ASCC3: variants seen among roughly 807,000 people sequenced by gnomAD.
ASCC3 encodes the protein ASC-1 complex subunit P200.
Under a neutral mutation model 256.3 loss-of-function variants are expected in ASCC3, and 158 were observed. The observed-to-expected ratio is 0.62, with a 90% confidence interval of 0.54 to 0.70. The LOEUF is 0.70. Ranked by LOEUF, ASCC3 falls within the 30% of genes least tolerant of loss-of-function variation. The probability of loss-of-function intolerance (pLI) is 0.00; values close to 1 mark genes in which losing one functional copy is unlikely to be tolerated. For synonymous variants in ASCC3, 948 were observed against 883.4 expected (o/e 1.07, Z -1.30); for missense variants, 2,259 against 2,626.0 (o/e 0.86, Z 3.05).
chr6:100,661,209 C>G (rs959021672), intron 16 of ASCC3, among the ~76,000 whole-genome samples: 1 of 151,360 alleles, frequency 6.6e-6, no homozygotes, highest in Non-Finnish European at 1.5e-5. Flanking sequence ...AACAGTCAAA[C>G]CTGATTTTAA....
chr6:100,609,357 T>C (rs1773273743), intron 30 of ASCC3, among the ~76,000 whole-genome samples: 2 of 152,064 alleles, frequency 1.3e-5, no homozygotes, highest in Admixed American at 6.5e-5. Flanking sequence ...TACTTCCTTA[T>C]CTTACTTTAA....
chr6:100,843,254 A>G (rs528897475), intron 4 of ASCC3, among the ~76,000 whole-genome samples: 48 of 152,194 alleles, frequency 3.2e-4, no homozygotes, highest in Non-Finnish European at 6.6e-4. Context: ...AAAAATACAC[A>G]GTCTTCCCTC....
At chr6:100,812,988 A>G (rs1319381434) in intron 4 of ASCC3, among the ~76,000 whole-genome samples, 1 of 152,118 alleles carries the variant, frequency 6.6e-6, no homozygotes, top group Non-Finnish European at 1.5e-5. Context: ...ATAGATGAAG[A>G]AAAAAATGAA....
At chr6:100,518,426 A>C (rs1448314400) in intron 37 of ASCC3, among the ~76,000 whole-genome samples, 1 of 152,178 alleles carries the variant, frequency 6.6e-6, no homozygotes, top group Non-Finnish European at 1.5e-5. Flanking sequence ...ATTAAAACAA[A>C]GATAAAAACT....
intron 38 of ASCC3, among the ~76,000 whole-genome samples, chr6:100,516,979 T>C (rs988572060): frequency 1.3e-5 from 2 of 151,926 alleles, no homozygotes; most frequent in African/African-American, 4.8e-5. Context: ...GAAACCCTAC[T>C]CCCATAACTT....
chr6:100,528,648 A>G (rs1278047200), intron 37 of ASCC3, among the ~76,000 whole-genome samples: 1 of 152,156 alleles, frequency 6.6e-6, no homozygotes. Context: ...TAAAAGAAAA[A>G]AAAATACTTG....
chr6:100,720,455 C>G (rs1779275192), intron 11 of ASCC3, among the ~76,000 whole-genome samples: 1 of 151,804 alleles, frequency 6.6e-6, no homozygotes, highest in Non-Finnish European at 1.5e-5. Context: ...AAAAAGAAGG[C>G]ATTACATAAT....
intron 12 of ASCC3, among the ~76,000 whole-genome samples, chr6:100,717,217 G>A (rs533258664): frequency 6.6e-6 from 1 of 151,944 alleles, no homozygotes; most frequent in African/African-American, 2.4e-5. Context: ...ATATTTTTAG[G>A]TGAATATTTT....
intron 36 of ASCC3, among the ~76,000 whole-genome samples, chr6:100,547,865 T>C (rs1159155356): frequency 1.3e-5 from 2 of 151,822 alleles, no homozygotes; most frequent in African/African-American, 4.8e-5. Context: ...CAGCATTATT[T>C]GTAAAGTGAA....
At chr6:100,849,340 T>C (rs1303026538) in intron 3 of ASCC3, among the ~76,000 whole-genome samples, 1 of 151,906 alleles carries the variant, frequency 6.6e-6, no homozygotes, top group African/African-American at 2.4e-5. Context: ...TAAAGATTGA[T>C]TTGATGAGCT....
At chr6:100,775,259 A>G (rs1782131292) in intron 8 of ASCC3, among the ~76,000 whole-genome samples, 1 of 152,192 alleles carries the variant, frequency 6.6e-6, no homozygotes, top group African/African-American at 2.4e-5. Context: ...CCATAGAAAT[A>G]ATAAATTTAT....
At chr6:100,570,950 A>G (rs1410062695) in intron 36 of ASCC3, among the ~76,000 whole-genome samples, 6 of 152,116 alleles carry the variant, frequency 3.9e-5, no homozygotes, top group African/African-American at 1.4e-4. Flanking sequence ...CCAAGCCACC[A>G]TCTTCTCTCA....
chr6:100,539,136 A>T (rs561832242), intron 37 of ASCC3, among the ~76,000 whole-genome samples: 1 of 152,258 alleles, frequency 6.6e-6, no homozygotes, highest in Non-Finnish European at 1.5e-5. Context: ...ACCAGTTTTA[A>T]TCAACCTCAC....
At chr6:100,733,895 A>G (rs928047011) in intron 10 of ASCC3, among the ~76,000 whole-genome samples, 1 of 152,148 alleles carries the variant, frequency 6.6e-6, no homozygotes, top group Non-Finnish European at 1.5e-5. Flanking sequence ...ATTGCTTACT[A>G]TATATATCCC....
At chr6:100,607,235 C>T in intron 30 of ASCC3, 147 bp from the exon 31 acceptor site, 2 of 808,888 alleles carry the variant, frequency 2.5e-6, no homozygotes, top group Non-Finnish European at 3.9e-6. Flanking sequence ...GATTAAAGTT[C>T]AACTAACTGA....
At position 100,509,450 on chromosome 6, in the gene ASCC3, G is replaced by A. The variant is rs1027283314; in HGVS notation, c.6545C>T (p.Ala2182Val). ...GGTGTTGACCTGTGCAGAAAGACTC[G>A]CTTGTGTAACGTTGAGATAGATGTC... ...QYDIYLNVTQ[A>V]SLSAQVNTKV... Residue 2182 changes from alanine to valine, a missense_variant, in exon 42 of 42, where the codon GCG (alanine) becomes GTG (valine). Coordinates refer to ENST00000369162, the MANE Select transcript of ASCC3 (RefSeq NM_006828.4). 8.7e-6 allele frequency: 14 copies of A among 1,614,046 alleles called. No individual in the cohort carries two copies. The African/African-American group carries it at 1.5e-4, about 17-fold the overall frequency.
Position 100,746,439 on chromosome 6 carries a change from TTAAA to T in ASCC3, c.1737+20122_1737+20125del, listed in dbSNP as rs1322282057. On this transcript the variant is annotated intron_variant, in intron 10 of 41. Transcript: ENST00000369162. ...AACAAAATGAAAAGTGTTTAAAAAA[TTAAA>T]TATTTTAGAAGGATCAATATCCTAA... Among the ~76,000 whole-genome samples the T allele has an allele frequency of 2.6e-5, 4 of 152,260 alleles. No individual in the cohort carries two copies. The East Asian group carries it at 7.7e-4, about 29-fold the overall frequency.
At chr6:100,599,863 C>T (rs1772510571) in intron 34 of ASCC3, among the ~76,000 whole-genome samples, 1 of 151,978 alleles carries the variant, frequency 6.6e-6, no homozygotes, top group Admixed American at 6.6e-5. Flanking sequence ...ATCAGTAAAG[C>T]AACTGACAGA....
chr6:100,544,390 TAAG>T (rs1204960278), intron 36 of ASCC3, among the ~76,000 whole-genome samples: 1 of 151,980 alleles, frequency 6.6e-6, no homozygotes, highest in Non-Finnish European at 1.5e-5. Context: ...GCCGGTTCTT[TAAG>T]AAGATCAACA....
Sources: allele counts gnomAD v4.1 joint callset (sites outside exome capture counted in the v4.1 genomes callset), GRCh38; gene constraint gnomAD v4.1.1; transcripts MANE v1.5; gene names NCBI Gene and HGNC (gene_info 2026-07-23, HGNC 2026-07-21).